GALNT15: variants seen among roughly 807,000 people sequenced by gnomAD.
GALNT15 encodes polypeptide N-acetylgalactosaminyltransferase 15.
GALNT15 carries 67 observed loss-of-function variants against 66.8 expected under a neutral mutation model. The ratio of observed to expected loss-of-function variants is 1.00; its 90% confidence interval spans 0.82 to 1.23. The LOEUF (loss-of-function observed/expected upper bound fraction) is 1.23. Among genes scored for constraint, GALNT15 ranks in the 50% most tolerant of loss-of-function variants. GALNT15 has a pLI of 0.00. For missense variants in GALNT15, 827 were observed against 804.3 expected, an observed-to-expected ratio of 1.03 and a Z score of -0.34; for synonymous variants, 313 against 311.5, an observed-to-expected ratio of 1.00 and a Z score of -0.05.
chr3:16,210,658 A>G (rs1230177054), intron 4 of GALNT15, among the ~76,000 whole-genome samples: 1 of 152,122 alleles, frequency 6.6e-6, no homozygotes, highest in Non-Finnish European at 1.5e-5. Flanking sequence ...TCCCTGGTGG[A>G]TTCATCATAG....
intron 1 of GALNT15, among the ~76,000 whole-genome samples, chr3:16,179,729 G>A (rs1019231042): frequency 1.3e-5 from 2 of 152,196 alleles, no homozygotes; most frequent in Non-Finnish European, 2.9e-5. Flanking sequence ...ATTCTTTACA[G>A]GAACAGAACA....
rs141612559 is a variant in GALNT15 at position 16,212,658 on chromosome 3, C to A, written c.1287C>A (p.Asp429Glu). 75 of 1,613,978 alleles carry A rather than the reference C, an allele frequency of 4.6e-5. 1 individual carries two copies. The Middle Eastern group carries it at 1.5e-3, about 32-fold the overall frequency. ...YQNQDSHSPL[D>E]QEATLRNRVR... ...ATCAGGATTCCCATTCCCCCCTCGACCAGGAGGCCACCCTGAGGAACAGGG... is the reference window on the plus strand; with the variant it reads ...ATCAGGATTCCCATTCCCCCCTCGAACAGGAGGCCACCCTGAGGAACAGGG... Residue 429 changes from aspartate to glutamate, a missense_variant, in exon 6 of 10, where the codon GAC becomes GAA. By Grantham distance (45) the Asp-to-Glu change is conservative. Transcript: ENST00000339732.
chr3:16,195,973 T>A lies in GALNT15; in HGVS notation c.706+47T>A. 6.3e-7 allele frequency: 1 copy of A among 1,590,964 alleles called. No homozygotes were observed. Among genetic ancestry groups the A allele is most frequent in the Non-Finnish European group, 8.6e-7 (1 of 1,163,764 alleles). ...GCTCGTCTGGGTGAGCCTTACCCCC[T>A]GGCGGGTGGAGTTCTCAAGCAAAAG... On this transcript the variant is annotated intron_variant, in intron 2 of 9. Transcript: ENST00000339732. This position sits in a 1 kb window ranked among gnomAD's most constrained non-coding sequence, Gnocchi z 4.6.
Position 16,211,061 on chromosome 3 carries a change from C to T in GALNT15, c.1080-63C>T. ...GCTCCCACCTGGGAAGCCCCAGCCC[C>T]CAGCCTCGCCTGCTGTGCTCTGGGT... On this transcript the variant is annotated intron_variant, in intron 4 of 9. Transcript: ENST00000339732. The surrounding 1 kb of genome is among the most constrained non-coding windows in gnomAD (Gnocchi z 4.3). The T allele has an allele frequency of 7.9e-7, 1 of 1,263,678 alleles. No homozygotes were observed. The highest frequency in any genetic ancestry group is 1.2e-6 in the Non-Finnish European group (1 of 865,410). 78.3% of individuals were successfully genotyped at this position (1,263,678 alleles called of 1,614,324 possible).
intron 1 of GALNT15, among the ~76,000 whole-genome samples, chr3:16,194,686 T>C (rs572503191): frequency 2.6e-5 from 4 of 152,144 alleles, no homozygotes; most frequent in Admixed American, 6.5e-5. Flanking sequence ...TCCAGGGACA[T>C]GGATGGAGCT....
chr3:16,247,441 C>T, the GALNT15 span, among the ~76,000 whole-genome samples: 6 of 152,242 alleles, frequency 3.9e-5, no homozygotes, highest in South Asian at 2.1e-4. Flanking sequence ...GATGCCTTTG[C>T]CGTCTGCATT....
rs1256450710 is a variant in GALNT15 at position 16,174,870 on chromosome 3, G to A, written c.-282G>A. 2.3e-6 allele frequency: 1 copy of A among 444,026 alleles called. No homozygotes were observed. The highest frequency in any genetic ancestry group is 4.0e-6 in the Non-Finnish European group (1 of 248,390). 27.5% of individuals were successfully genotyped at this position (444,026 alleles called of 1,614,324 possible). ...AGAAAACCGGGGTAAAGGGAGGGAA[G>A]CAATTCAATTTGAAGTCCCTGTGAA... On this transcript the variant is annotated 5_prime_UTR_variant, in exon 1 of 10. Coordinates refer to ENST00000339732, the MANE Select transcript of GALNT15 (RefSeq NM_054110.5). The surrounding 1 kb of genome is among the most constrained non-coding windows in gnomAD (Gnocchi z 4.7).
intron 3 of GALNT15, among the ~76,000 whole-genome samples, chr3:16,201,125 C>T (rs1294966250): frequency 6.6e-6 from 1 of 152,072 alleles, no homozygotes; most frequent in African/African-American, 2.4e-5. Flanking sequence ...TAACACCTTA[C>T]CATAGCTATC....
intron 3 of GALNT15, among the ~76,000 whole-genome samples, chr3:16,201,115 T>G (rs2063696002): frequency 6.6e-6 from 1 of 152,134 alleles, no homozygotes; most frequent in Non-Finnish European, 1.5e-5. Context: ...ATGACGAGGG[T>G]AACACCTTAC....
intron 6 of GALNT15, among the ~76,000 whole-genome samples, chr3:16,217,597 A>G (rs1046437404): frequency 1.3e-5 from 2 of 152,210 alleles, no homozygotes; most frequent in African/African-American, 4.8e-5. Flanking sequence ...AATCCTGGGC[A>G]CCCAAAAGAC....
In GALNT15 at chr3:16,224,034, G is replaced by A. The variant is rs1574999707; in HGVS notation, c.1773+1276G>A. Among the ~76,000 whole-genome samples, 2 of 152,192 alleles carry A rather than the reference G, an allele frequency of 1.3e-5. No homozygotes were observed. The highest frequency in any genetic ancestry group is 4.1e-4 in the South Asian group (2 of 4,824). ...AGTCAAGTTAAGGTCCTTTATAAAT[G>A]ATCATAAAGTATTTTTCTAAGCAAG... On this transcript the variant is annotated intron_variant, in intron 9 of 9. Coordinates refer to ENST00000339732, the MANE Select transcript of GALNT15 (RefSeq NM_054110.5). The surrounding 1 kb of genome is among the most constrained non-coding windows in gnomAD (Gnocchi z 5.2).
the GALNT15 span, among the ~76,000 whole-genome samples, chr3:16,247,669 G>C: frequency 4.6e-5 from 7 of 152,240 alleles, no homozygotes; most frequent in Admixed American, 4.6e-4. Flanking sequence ...ACCTGGGAAA[G>C]TGTGTTGTAA....
chr3:16,201,242 G>T (rs376393611), intron 3 of GALNT15, among the ~76,000 whole-genome samples: 7 of 151,872 alleles, frequency 4.6e-5, no homozygotes, highest in Non-Finnish European at 8.8e-5. Flanking sequence ...AGTGCAGCGG[G>T]GCGATCTCGG....
chr3:16,175,332 T>A lies in GALNT15; in HGVS notation c.181T>A (p.Phe61Ile). 1 of 1,614,152 alleles carries A rather than the reference T, an allele frequency of 6.2e-7. No homozygotes were observed. Among genetic ancestry groups the A allele is most frequent in the Non-Finnish European group, 8.5e-7 (1 of 1,180,024 alleles). Reference protein sequence around the residue: ...HSPEARYRLDFGESQDWVLEA... With the variant: ...HSPEARYRLDIGESQDWVLEA... ...CCCTGAAGCCAGGTACCGCCTGGACTTTGGGGAATCCCAGGATTGGGTACT... is the reference window on the plus strand; with the variant it reads ...CCCTGAAGCCAGGTACCGCCTGGACATTGGGGAATCCCAGGATTGGGTACT... The change falls in exon 1 of 10, where the codon TTT becomes ATT. Residue 61 changes from phenylalanine to isoleucine, a missense_variant. By Grantham distance (21) the Phe-to-Ile change is conservative (BLOSUM62 0). Transcript: ENST00000339732. The surrounding 1 kb of genome is among the most constrained non-coding windows in gnomAD (Gnocchi z 5.6).
At chr3:16,196,567 C>G (rs147798288) in intron 2 of GALNT15, among the ~76,000 whole-genome samples, 3 of 152,132 alleles carry the variant, frequency 2.0e-5, no homozygotes, top group African/African-American at 7.2e-5. Flanking sequence ...CCACTTGACT[C>G]GTAGGTCAGT....
intron 2 of GALNT15, among the ~76,000 whole-genome samples, chr3:16,196,503 C>T (rs2063639379): frequency 6.6e-6 from 1 of 152,176 alleles, no homozygotes; most frequent in African/African-American, 2.4e-5. Flanking sequence ...CTTCCTCTCA[C>T]AGGAACCTGG....
intron 3 of GALNT15, among the ~76,000 whole-genome samples, chr3:16,206,220 C>T (rs2063755270): frequency 6.6e-6 from 1 of 151,978 alleles, no homozygotes; most frequent in African/African-American, 2.4e-5. Context: ...TCTACACGCA[C>T]ACACACCCCC....
At chr3:16,226,592 A>G (rs2064021844) in intron 9 of GALNT15, among the ~76,000 whole-genome samples, 1 of 151,796 alleles carries the variant, frequency 6.6e-6, no homozygotes, top group Non-Finnish European at 1.5e-5. Flanking sequence ...TCTTGTGAGA[A>G]CTCTATCAAG....
At chr3:16,246,230 A>T in the GALNT15 span, among the ~76,000 whole-genome samples, 1 of 151,612 alleles carries the variant, frequency 6.6e-6, no homozygotes, top group African/African-American at 2.4e-5. Context: ...CACTCAGAGC[A>T]CACTGGCCCA....
Sources: allele counts gnomAD v4.1 joint callset (sites outside exome capture counted in the v4.1 genomes callset), GRCh38; gene constraint gnomAD v4.1.1; non-coding constraint Gnocchi (gnomAD v3.1); transcripts MANE v1.5; gene names NCBI Gene and HGNC (gene_info 2026-07-23, HGNC 2026-07-21).